The following SATB2 variants were observed in gnomAD, a reference collection of about 807,000 sequenced individuals.
The protein encoded by SATB2 is DNA-binding protein SATB2.
A neutral mutation model predicts 73.4 loss-of-function variants in SATB2; 1 was observed. The observed-to-expected ratio is 0.01, with a 90% CI of 0.00 to 0.06. The LOEUF (loss-of-function observed/expected upper bound fraction) is 0.06, where lower values mean the gene tolerates loss of function less well. SATB2 is among the 10% of genes least tolerant of loss of function. The probability of loss-of-function intolerance (pLI) is 1.00; values close to 1 mark genes in which losing one functional copy is unlikely to be tolerated. For synonymous variants in SATB2, 397 were observed against 367.0 expected (o/e 1.08, Z -0.93); for missense variants, 459 against 945.8 (o/e 0.49, Z 6.75).
intron 6 of SATB2, among the ~76,000 whole-genome samples, chr2:199,367,133 T>C (rs1490666955): frequency 6.6e-6 from 1 of 152,168 alleles, no homozygotes; most frequent in African/African-American, 2.4e-5. Context: ...CAAAGTACTT[T>C]AACAATCCTA....
upstream of SATB2, among the ~76,000 whole-genome samples, chr2:199,459,139 C>T (rs373904517): frequency 5.3e-5 from 8 of 152,062 alleles, no homozygotes; most frequent in East Asian, 9.8e-4. The surrounding 1 kb of genome is among the most constrained non-coding windows in gnomAD (Gnocchi z 4.2). Context: ...GGTGGGGCTG[C>T]CTGTCCTCGG....
chr2:199,460,912 A>G (rs1692460702), upstream of SATB2, among the ~76,000 whole-genome samples: 1 of 152,254 alleles, frequency 6.6e-6, no homozygotes, highest in Non-Finnish European at 1.5e-5. This position sits in a 1 kb window ranked among gnomAD's most constrained non-coding sequence, Gnocchi z 4.0. Context: ...TTAAATGTAC[A>G]TTGTGGTTAG....
chr2:199,455,840 C>A lies in SATB2; in HGVS notation c.169+29G>T. ...CGGGCCATTATCACTGGGCCGCGGGCTGCGCGCCTCCCTGCTCCGGGCTGT... is the reference window on the plus strand; with the variant it reads ...CGGGCCATTATCACTGGGCCGCGGGATGCGCGCCTCCCTGCTCCGGGCTGT... On this transcript the variant is annotated intron_variant, in intron 2 of 10. Transcript: ENST00000417098. This position sits in a 1 kb window ranked among gnomAD's most constrained non-coding sequence, Gnocchi z 4.1. 6.5e-7 allele frequency: 1 copy of A among 1,534,260 alleles called. No individual in the cohort carries two copies. The highest frequency in any genetic ancestry group is 8.7e-7 in the Non-Finnish European group (1 of 1,146,450).
intron 10 of SATB2, among the ~76,000 whole-genome samples, chr2:199,296,643 G>A (rs1687108188): frequency 6.6e-6 from 1 of 152,152 alleles, no homozygotes; most frequent in African/African-American, 2.4e-5. Context: ...AGGCTGCTAT[G>A]AGCCATGATT....
chr2:199,469,398 C>G (rs1369742991), upstream of SATB2, among the ~76,000 whole-genome samples: 1 of 152,170 alleles, frequency 6.6e-6, no homozygotes, highest in Non-Finnish European at 1.5e-5. Flanking sequence ...CCCTTCGACT[C>G]TCCTCCGCCC....
At chr2:199,344,258 A>G (rs533362775) in intron 7 of SATB2, among the ~76,000 whole-genome samples, 7 of 150,872 alleles carry the variant, frequency 4.6e-5, no homozygotes, top group African/African-American at 1.7e-4. Context: ...CACACACAAC[A>G]CACACACACA....
chr2:199,373,595 G>T (rs1559011758), intron 5 of SATB2, among the ~76,000 whole-genome samples: 1 of 152,118 alleles, frequency 6.6e-6, no homozygotes, highest in African/African-American at 2.4e-5. Context: ...CTGTGATTGG[G>T]GATATTGTCT....
upstream of SATB2, among the ~76,000 whole-genome samples, chr2:199,469,406 C>T (rs372002130): frequency 1.1e-4 from 17 of 152,264 alleles, no homozygotes; most frequent in African/African-American, 4.1e-4. Context: ...CTCTCCTCCG[C>T]CCCCCGGCGG....
At chr2:199,368,120 T>A (rs12611848) in intron 6 of SATB2, among the ~76,000 whole-genome samples, 20,182 of 152,074 alleles carry the variant, frequency 0.13, 1,557 homozygotes, top group South Asian at 0.32. Context: ...AATAATTTGC[T>A]TAAGCTCCCA....
intron 3 of SATB2, among the ~76,000 whole-genome samples, chr2:199,383,448 T>C (rs535903962): frequency 3.3e-5 from 5 of 152,324 alleles, no homozygotes; most frequent in African/African-American, 9.6e-5. Context: ...AAAGAAACCA[T>C]GTAACATGTC....
At chr2:199,387,662 A>C (rs1218924704) in intron 3 of SATB2, among the ~76,000 whole-genome samples, 1 of 152,230 alleles carries the variant, frequency 6.6e-6, no homozygotes, top group Non-Finnish European at 1.5e-5. Context: ...AAATGTTAAC[A>C]TGATTGAATT....
chr2:199,438,138 T>C (rs1691707335), intron 2 of SATB2, among the ~76,000 whole-genome samples: 1 of 152,172 alleles, frequency 6.6e-6, no homozygotes, highest in African/African-American at 2.4e-5. Context: ...TTAAAAGTAA[T>C]TGTGTGTAGA....
chr2:199,467,134 C>T (rs1214493379), upstream of SATB2, among the ~76,000 whole-genome samples: 3 of 152,268 alleles, frequency 2.0e-5, no homozygotes, highest in African/African-American at 7.2e-5. Flanking sequence ...TCCCAAGAGA[C>T]CTCAAGTCAG....
At chr2:199,285,287 G>A (rs75589604) in intron 10 of SATB2, among the ~76,000 whole-genome samples, 2 of 151,960 alleles carry the variant, frequency 1.3e-5, no homozygotes, top group African/African-American at 4.8e-5. Flanking sequence ...TAGAGAAAGA[G>A]TGTAGGAGAA....
At chr2:199,300,007 C>A (rs922539899) in intron 10 of SATB2, among the ~76,000 whole-genome samples, 3 of 152,096 alleles carry the variant, frequency 2.0e-5, no homozygotes, top group Non-Finnish European at 2.9e-5. Context: ...CATTTTAATG[C>A]ACTTTCTACC....
chr2:199,376,776 A>G (rs1427196158), intron 5 of SATB2, among the ~76,000 whole-genome samples: 3 of 152,172 alleles, frequency 2.0e-5, no homozygotes, highest in Non-Finnish European at 4.4e-5. Flanking sequence ...AAAGGCTACT[A>G]AGAGCAGAAG....
In SATB2 at chr2:199,286,673, A is replaced by G. The variant is rs554372419; in HGVS notation, c.1741-14001T>C. Among the ~76,000 whole-genome samples, 398 of 152,276 alleles carry G rather than the reference A, an allele frequency of 2.6e-3. 1 individual carries two copies. Among genetic ancestry groups the G allele is most frequent in the African/African-American group, 8.9e-3 (369 of 41,556 alleles). On this transcript the variant is annotated intron_variant, in intron 10 of 10. Transcript: ENST00000417098. ...CCGACACTCCTCCACCACTCTTCAC[A>G]AAGTATTCTCAGAACACAAAACCTA...
intron 5 of SATB2, among the ~76,000 whole-genome samples, chr2:199,373,914 A>G (rs1689521702): frequency 6.6e-6 from 1 of 152,216 alleles, no homozygotes; most frequent in South Asian, 2.1e-4. Flanking sequence ...AATTAAACGG[A>G]CAGTTGGCAA....
At chr2:199,352,345 C>T (rs1688843166) in intron 6 of SATB2, among the ~76,000 whole-genome samples, 1 of 151,930 alleles carries the variant, frequency 6.6e-6, no homozygotes, top group Non-Finnish European at 1.5e-5. Flanking sequence ...TTAAAAATAC[C>T]TCATTCATAG....
Sources: allele counts gnomAD v4.1 joint callset (sites outside exome capture counted in the v4.1 genomes callset), GRCh38; gene constraint gnomAD v4.1.1; non-coding constraint Gnocchi (gnomAD v3.1); transcripts MANE v1.5; gene names NCBI Gene and HGNC (gene_info 2026-07-23, HGNC 2026-07-21).